The following SPATA13 variants were observed in gnomAD, a reference collection of about 807,000 sequenced individuals.
SPATA13 encodes the protein spermatogenesis associated 13.
In SPATA13, 50 loss-of-function variants were observed where a neutral mutation model predicts 104.0. The ratio of observed to expected loss-of-function variants is 0.48; its 90% CI spans 0.38 to 0.61. SPATA13 has a LOEUF of 0.61. SPATA13 is among the 20% of genes least tolerant of loss of function. SPATA13 has a pLI of 0.00. For missense variants in SPATA13, 1,524 were observed against 1,690.6 expected (o/e 0.90, Z 1.73); for synonymous variants, 606 against 667.5 (o/e 0.91, Z 1.42).
At position 24,223,911 on chromosome 13, in the gene SPATA13, A is replaced by G; in HGVS notation, c.982A>G (p.Thr328Ala). Reference sequence around the variant, plus strand: ...AGTCTTCAAACTTGTGAGCAATGTGACTGAGGCTGCCTGGAGGAGGGAGAG... The same window carrying G: ...AGTCTTCAAACTTGTGAGCAATGTGGCTGAGGCTGCCTGGAGGAGGGAGAG... ...DRVFKLVSNV[T>A]EAAWRRESPR... The change falls in exon 2 of 13, where the codon ACT becomes GCT. Residue 328 changes from threonine to alanine, a missense_variant. Thr to Ala is a moderately conservative substitution (Grantham distance 58). Coordinates refer to ENST00000382108, the MANE Select transcript of SPATA13 (RefSeq NM_001166271.3). 1.3e-6 allele frequency: 2 copies of G among 1,551,580 alleles called. No individual in the cohort carries two copies. The highest frequency in any genetic ancestry group is 1.7e-6 in the Non-Finnish European group (2 of 1,146,964).
chr13:24,034,116 G>A (rs7491802), intron 3 of SPATA13: 55,942 of 151,952 alleles, frequency 0.37, 10,514 homozygotes, highest in East Asian at 0.61. Flanking sequence ...TCATGAGACC[G>A]TCGACATTTA....
intron 4 of SPATA13, 105 bp downstream of exon 4, chr13:24,251,967 C>G (rs999876052): frequency 7.1e-7 from 1 of 1,416,330 alleles, no homozygotes; most frequent in Admixed American, 2.4e-5. Flanking sequence ...TCCCTTGGGC[C>G]AGGGCGCGTT....
At chr13:24,008,667 G>A (rs74039564) in intron 2 of SPATA13, among the ~76,000 whole-genome samples, 1 of 152,186 alleles carries the variant, frequency 6.6e-6, no homozygotes. Context: ...GGAGGAGGCA[G>A]CAGGCCTGGG....
intron 3 of SPATA13, among the ~76,000 whole-genome samples, chr13:24,032,568 T>C (rs894844289): frequency 6.6e-6 from 1 of 152,226 alleles, no homozygotes; most frequent in Non-Finnish European, 1.5e-5. Context: ...GGTAACTGAC[T>C]GCAAGGAAAG....
intron 3 of SPATA13, among the ~76,000 whole-genome samples, chr13:24,124,521 C>T (rs767745458): frequency 3.3e-5 from 5 of 152,142 alleles, no homozygotes; most frequent in South Asian, 2.1e-4. Context: ...CCTGGTGGGA[C>T]GCAGTGCTCT....
intron 1 of SPATA13, among the ~76,000 whole-genome samples, chr13:24,165,351 G>A (rs1882679601): frequency 6.6e-6 from 1 of 152,146 alleles, no homozygotes; most frequent in African/African-American, 2.4e-5. Flanking sequence ...GACTCTACCT[G>A]TCCAATCCAG....
intron 3 of SPATA13, among the ~76,000 whole-genome samples, chr13:24,147,664 T>C (rs1449464240): frequency 6.6e-6 from 1 of 152,132 alleles, no homozygotes; most frequent in Non-Finnish European, 1.5e-5. Flanking sequence ...TTAAGTCTAT[T>C]AAGTACATTT....
intron 2 of SPATA13, among the ~76,000 whole-genome samples, chr13:24,004,591 C>T (rs555885451): frequency 5.3e-5 from 8 of 152,274 alleles, no homozygotes; most frequent in African/African-American, 1.7e-4. Flanking sequence ...TCCTGGGTGT[C>T]CTGGAGCTGG....
chr13:24,199,609 C>T lies in SPATA13; in HGVS notation c.-111-23210C>T, dbSNP rs117901514. On this transcript the variant is annotated intron_variant, in intron 1 of 12. Transcript: ENST00000382108. The stretch of plus-strand genomic sequence containing the variant: ...TTAAGATGTGTTCCTTAGAACTGAA[C>T]GTACTACTTTTAATTGGCCAATGTG... Among the ~76,000 whole-genome samples, 300 of 152,202 alleles carry T rather than the reference C, an allele frequency of 2.0e-3. 6 individuals are homozygous for T. The East Asian group carries it at 0.046, about 23-fold the overall frequency.
intron 3 of SPATA13, among the ~76,000 whole-genome samples, chr13:24,061,543 A>G (rs865876231): frequency 3.9e-5 from 6 of 152,356 alleles, no homozygotes; most frequent in Admixed American, 6.5e-5. Context: ...CAGCCATAAC[A>G]AAGAATGAGA....
At chr13:24,157,104 T>C (rs4769330), upstream of SPATA13, among the ~76,000 whole-genome samples, 67,380 of 152,088 alleles carry the variant, frequency 0.44, 16,620 homozygotes, top group Admixed American at 0.58. Flanking sequence ...TTAAGTTACT[T>C]CCTCCAGGTG....
chr13:24,016,301 G>T (rs918518853), intron 2 of SPATA13, among the ~76,000 whole-genome samples: 1 of 152,136 alleles, frequency 6.6e-6, no homozygotes, highest in African/African-American at 2.4e-5. Flanking sequence ...AAGCAGCTGC[G>T]GCTCTTCCTG....
At chr13:23,982,453 A>C (rs903743348) in intron 1 of SPATA13, among the ~76,000 whole-genome samples, 2 of 152,216 alleles carry the variant, frequency 1.3e-5, no homozygotes, top group Admixed American at 6.5e-5. Context: ...CTCTTCATAA[A>C]TATTAACTGG....
intron 4 of SPATA13, chr13:24,270,705 G>A (rs1874533138): frequency 1.3e-6 from 2 of 1,498,252 alleles, no homozygotes; most frequent in Non-Finnish European, 1.8e-6. Context: ...GGCAGGCTCT[G>A]GCCGGGAACG....
chr13:24,218,043 G>A (rs1246774771), intron 1 of SPATA13, among the ~76,000 whole-genome samples: 1 of 152,230 alleles, frequency 6.6e-6, no homozygotes, highest in East Asian at 1.9e-4. Flanking sequence ...TGAGGATCAT[G>A]ACAAATAGCT....
chr13:24,085,548 G>T (rs1196764355), intron 3 of SPATA13, among the ~76,000 whole-genome samples: 1 of 152,208 alleles, frequency 6.6e-6, no homozygotes, highest in Non-Finnish European at 1.5e-5. Context: ...TCAGCTCAAA[G>T]GAGGACGTCC....
chr13:24,038,636 C>G (rs1446163033), intron 3 of SPATA13, among the ~76,000 whole-genome samples: 1 of 152,138 alleles, frequency 6.6e-6, no homozygotes, highest in South Asian at 2.1e-4. Flanking sequence ...GATGACTCAG[C>G]TCTGCCATTG....
rs74040220 is a variant in SPATA13, at chr13:24,123,599, G to T, written c.-111-99220G>T. 3.9e-3 allele frequency: 6,328 copies of T among 1,607,936 alleles called. 236 individuals are homozygous for T. In the African/African-American group the frequency reaches 0.075, roughly 19 times the overall value. On this transcript the variant is annotated intron_variant, in intron 3 of 14. Coordinates refer to the SPATA13 transcript ENST00000424834. The stretch of plus-strand genomic sequence containing the variant: ...GCAGTACCTCTTTCCTCTTACTACA[G>T]GCTGTAAACAAAAGTGTCTGGGCAG...
chr13:24,301,835 T>G (rs1335159109), intron 12 of SPATA13, among the ~76,000 whole-genome samples: 1 of 152,208 alleles, frequency 6.6e-6, no homozygotes, highest in Non-Finnish European at 1.5e-5. Context: ...GCCGGTGAAG[T>G]TTTGATTAGA....
Sources: allele counts gnomAD v4.1 joint callset (sites outside exome capture counted in the v4.1 genomes callset), GRCh38; gene constraint gnomAD v4.1.1; transcripts MANE v1.5; gene names NCBI Gene and HGNC (gene_info 2026-07-23, HGNC 2026-07-21).